Variants in ANTXR1 observed in about 807,000 individuals in gnomAD.
ANTXR1 encodes ANTXR cell adhesion molecule 1, also known as anthrax toxin receptor 1.
A neutral mutation model predicts 78.1 loss-of-function variants in ANTXR1; 19 were observed. The ratio of observed to expected loss-of-function variants is 0.24; its 90% CI spans 0.17 to 0.36. The LOEUF is 0.36. ANTXR1 is among the 10% of genes least tolerant of loss of function. ANTXR1 has a pLI of 1.00. For synonymous variants in ANTXR1, 273 were observed against 260.5 expected (o/e 1.05, Z -0.46); for missense variants, 518 against 718.6 (o/e 0.72, Z 3.19).
chr2:69,184,705 G>A (rs746795629), intron 16 of ANTXR1, among the ~76,000 whole-genome samples: 8 of 152,158 alleles, frequency 5.3e-5, no homozygotes, highest in Non-Finnish European at 1.2e-4. Context: ...GGGCCAATAC[G>A]TTTAGAAATC....
Position 69,193,490 on chromosome 2 carries a change from C to CAT in ANTXR1, c.1434+78_1434+79dup, listed in dbSNP as rs1553374400. On this transcript the variant is annotated intron_variant, in intron 17 of 17. Coordinates refer to ENST00000303714, the MANE Select transcript of ANTXR1 (RefSeq NM_032208.3). Reference sequence around the variant, plus strand: ...ACACACACACACACACACACACACACATATTCTTTTTCTCTCTCCATCTTT... The same window carrying CAT: ...ACACACACACACACACACACACACACATATATTCTTTTTCTCTCTCCATCTTT... 1,144 of 1,225,332 alleles carry CAT rather than the reference C, an allele frequency of 9.3e-4. 10 individuals carry two copies. The highest frequency in any genetic ancestry group is 6.3e-3 in the African/African-American group (412 of 65,054). The allele number at this position is 1,225,332 out of a possible 1,614,324, so 75.9% of individuals were successfully genotyped here. A position where few individuals can be genotyped will look rare whatever the true frequency, so the allele number is the denominator to read the frequency against.
intron 8 of ANTXR1, chr2:69,090,580 T>C: frequency 2.0e-6 from 1 of 501,692 alleles, no homozygotes; most frequent in East Asian, 3.7e-5. Context: ...CTGCAAAAAC[T>C]AGGACTGGCA....
At chr2:69,134,951 C>A in intron 12 of ANTXR1, 1 of 325,910 alleles carries the variant, frequency 3.1e-6, no homozygotes, top group Non-Finnish European at 6.5e-6. Context: ...TACAATGTCC[C>A]AGTATTTTTA....
chr2:69,199,346 T>C (rs556330193), intron 17 of ANTXR1, among the ~76,000 whole-genome samples: 2 of 152,228 alleles, frequency 1.3e-5, no homozygotes, highest in South Asian at 4.2e-4. Context: ...CCAAACAAAC[T>C]TCAGAGTACC....
chr2:69,228,137 T>C (rs1415583334), intron 17 of ANTXR1, among the ~76,000 whole-genome samples: 1 of 152,170 alleles, frequency 6.6e-6, no homozygotes, highest in Non-Finnish European at 1.5e-5. Context: ...GATTAGAGGT[T>C]TGTCCCTTAG....
intron 14 of ANTXR1, among the ~76,000 whole-genome samples, chr2:69,175,689 G>A (rs755920364): frequency 2.6e-5 from 4 of 152,208 alleles, no homozygotes; most frequent in Middle Eastern, 3.4e-3. Context: ...ACTGGGGGGC[G>A]GGTGAGAGTG....
chr2:69,083,481 T>C, intron 8 of ANTXR1, among the ~76,000 whole-genome samples: 1 of 152,190 alleles, frequency 6.6e-6, no homozygotes, highest in East Asian at 1.9e-4. Context: ...TCTCCCTGCC[T>C]TGGACTCCAG....
At chr2:69,014,778 G>A (rs1471295565) in intron 1 of ANTXR1, among the ~76,000 whole-genome samples, 2 of 152,174 alleles carry the variant, frequency 1.3e-5, no homozygotes, top group East Asian at 1.9e-4. Flanking sequence ...AAATAAGCTG[G>A]CTAGCTAGAC....
At chr2:69,128,217 T>G (rs1463769569) in intron 12 of ANTXR1, among the ~76,000 whole-genome samples, 2 of 147,572 alleles carry the variant, frequency 1.4e-5, no homozygotes, top group Non-Finnish European at 3.0e-5. Flanking sequence ...AGAGCGAGAC[T>G]CCATCTCTGG....
chr2:69,064,516 GGGGACCATACA>G (rs1412667311), intron 3 of ANTXR1, among the ~76,000 whole-genome samples: 42 of 152,192 alleles, frequency 2.8e-4, no homozygotes, highest in African/African-American at 8.9e-4. Flanking sequence ...CAGTATGGGA[GGGGACCATACA>G]GGGACCATAC....
chr2:69,050,861 T>C (rs1341993333), intron 3 of ANTXR1, among the ~76,000 whole-genome samples: 1 of 152,196 alleles, frequency 6.6e-6, no homozygotes, highest in Non-Finnish European at 1.5e-5. Context: ...ACCTAATGGT[T>C]TGTTTCTTAA....
intron 10 of ANTXR1, among the ~76,000 whole-genome samples, chr2:69,109,338 A>G (rs1256693429): frequency 6.6e-6 from 1 of 152,256 alleles, no homozygotes; most frequent in Non-Finnish European, 1.5e-5. Context: ...TACAATCCAA[A>G]TGAAAATTCC....
chr2:69,078,326 T>C (rs1453557980), intron 8 of ANTXR1, among the ~76,000 whole-genome samples: 2 of 152,238 alleles, frequency 1.3e-5, no homozygotes, highest in Non-Finnish European at 2.9e-5. Context: ...GGCAGGCATC[T>C]GTGATCTTCA....
intron 4 of ANTXR1, among the ~76,000 whole-genome samples, chr2:69,071,024 G>A (rs1399957804): frequency 6.6e-6 from 1 of 152,226 alleles, no homozygotes; most frequent in Admixed American, 6.5e-5. Flanking sequence ...TCCTTTGTTG[G>A]ATGTCAGCTT....
At chr2:69,051,274 T>C (rs566392345) in intron 3 of ANTXR1, among the ~76,000 whole-genome samples, 4 of 150,806 alleles carry the variant, frequency 2.7e-5, no homozygotes, top group Non-Finnish European at 5.9e-5. Context: ...CAAGACTCTG[T>C]CTCAAAAAAA....
rs554037777 is a variant in ANTXR1 at position 69,077,492 on chromosome 2, A to T, written c.642+4A>T. On this transcript the variant is annotated splice_donor_region_variant and intron_variant, in intron 8 of 17. Coordinates refer to ENST00000303714, the MANE Select transcript of ANTXR1 (RefSeq NM_032208.3). ...TCTGCAAGGCATCATCCACTCAGTA[A>T]GTAGAGCTCTTCCTCTGAGACTAGA... The T allele has an allele frequency of 6.2e-7, 1 of 1,614,108 alleles. No individual in the cohort carries two copies. The highest frequency in any genetic ancestry group is 8.5e-7 in the Non-Finnish European group (1 of 1,179,980).
At chr2:69,045,712 A>AT (rs1426603103) in intron 3 of ANTXR1, among the ~76,000 whole-genome samples, 5 of 151,840 alleles carry the variant, frequency 3.3e-5, no homozygotes, top group Middle Eastern at 3.4e-3. Flanking sequence ...GCTAGTCCCT[A>AT]TTTTTTTTCC....
At chr2:69,124,797 C>T (rs1482975668) in intron 12 of ANTXR1, among the ~76,000 whole-genome samples, 154 bp downstream of exon 12, 1 of 152,142 alleles carries the variant, frequency 6.6e-6, no homozygotes, top group Non-Finnish European at 1.5e-5. Flanking sequence ...TCCACCAGCC[C>T]CAGGCTGGAT....
intron 12 of ANTXR1, among the ~76,000 whole-genome samples, chr2:69,133,715 C>A (rs1672824321): frequency 6.6e-6 from 1 of 152,188 alleles, no homozygotes; most frequent in South Asian, 2.1e-4. Context: ...AGTGACCAAT[C>A]CACAGCATTG....
Sources: allele counts gnomAD v4.1 joint callset (sites outside exome capture counted in the v4.1 genomes callset), GRCh38; gene constraint gnomAD v4.1.1; transcripts MANE v1.5; gene names NCBI Gene and HGNC (gene_info 2026-07-23, HGNC 2026-07-21).